Variants in RBPMS observed in about 807,000 individuals in gnomAD.
RBPMS encodes RNA binding protein, mRNA processing factor.
Under a neutral mutation model 26.8 loss-of-function variants are expected in RBPMS, and 7 were observed. The observed-to-expected ratio is 0.26, with a 90% CI of 0.15 to 0.49. The LOEUF (loss-of-function observed/expected upper bound fraction) is 0.49. Among genes scored for constraint, RBPMS ranks in the 20% least tolerant of loss-of-function variants. The probability of loss-of-function intolerance (pLI) is 0.98; values close to 1 mark genes in which losing one functional copy is unlikely to be tolerated. For synonymous variants in RBPMS, 96 were observed against 93.3 expected, an observed-to-expected ratio of 1.03 and a Z score of -0.17; for missense variants, 186 against 250.0, an observed-to-expected ratio of 0.74 and a Z score of 1.73.
chr8:30,556,673 C>T (rs1826951196), intron 6 of RBPMS: 3 of 985,872 alleles, frequency 3.0e-6, no homozygotes, highest in South Asian at 4.7e-5. Flanking sequence ...CAGCCCCCCA[C>T]CTGCCATGGG....
At position 30,571,099 on chromosome 8, in the gene RBPMS, T is replaced by C. The variant is rs1828234215; in HGVS notation, c.*574T>C. The stretch of plus-strand genomic sequence containing the variant: ...TGCCTGGCCGGAGTCCAGGGTAAAT[T>C]AGTAGCATGGTGTTAGATGTTAGAA... On this transcript the variant is annotated 3_prime_UTR_variant, in exon 9 of 9. Coordinates refer to ENST00000397323, the MANE Select transcript of RBPMS (RefSeq NM_001008710.3). The C allele has an allele frequency of 6.6e-6, 1 of 150,942 alleles. No individual in the cohort carries two copies. The highest frequency in any genetic ancestry group is 2.5e-5 in the African/African-American group (1 of 40,316). 9.4% of individuals were successfully genotyped at this position (150,942 alleles called of 1,614,324 possible).
chr8:30,499,104 G>A (rs1820288632), intron 4 of RBPMS, among the ~76,000 whole-genome samples: 1 of 152,132 alleles, frequency 6.6e-6, no homozygotes, highest in South Asian at 2.1e-4. Context: ...TTTCCATGGA[G>A]TAGAAAGCTG....
intron 1 of RBPMS, 45 bp downstream of exon 1, chr8:30,385,203 G>T (rs1008631493): frequency 1.5e-6 from 2 of 1,370,254 alleles, no homozygotes; most frequent in African/African-American, 3.1e-5. Context: ...GCGGGACCCA[G>T]TGCGGGCGGC....
intron 1 of RBPMS, among the ~76,000 whole-genome samples, chr8:30,411,819 C>CT: frequency 6.6e-6 from 1 of 152,078 alleles, no homozygotes; most frequent in South Asian, 2.1e-4. Context: ...CCTGTCTCTA[C>CT]TTTAAAAAAA....
chr8:30,442,381 A>G (rs1813189507), intron 1 of RBPMS, among the ~76,000 whole-genome samples: 1 of 151,534 alleles, frequency 6.6e-6, no homozygotes, highest in Non-Finnish European at 1.5e-5. Flanking sequence ...GTTTTGTTGC[A>G]CTCTAGGATC....
chr8:30,442,996 A>G (rs1167754173), intron 1 of RBPMS, among the ~76,000 whole-genome samples: 2 of 152,148 alleles, frequency 1.3e-5, no homozygotes, highest in Non-Finnish European at 2.9e-5. Context: ...CTTTGAAATT[A>G]ATAATAATTC....
chr8:30,386,401 A>G (rs1807089115), intron 1 of RBPMS, among the ~76,000 whole-genome samples: 1 of 152,252 alleles, frequency 6.6e-6, no homozygotes, highest in African/African-American at 2.4e-5. Flanking sequence ...CAAAATAAAT[A>G]GGAGATTTTA....
chr8:30,511,256 G>A (rs958369349), intron 5 of RBPMS, among the ~76,000 whole-genome samples: 1 of 152,012 alleles, frequency 6.6e-6, no homozygotes, highest in African/African-American at 2.4e-5. Context: ...AGAGGTTGCA[G>A]TGAGCTGAGA....
intron 5 of RBPMS, among the ~76,000 whole-genome samples, chr8:30,523,902 T>G (rs1261151572): frequency 6.6e-6 from 1 of 152,178 alleles, no homozygotes; most frequent in Non-Finnish European, 1.5e-5. Flanking sequence ...ATGGAAAATT[T>G]CAAACATATC....
chr8:30,417,081 T>G (rs1318602159), intron 1 of RBPMS, among the ~76,000 whole-genome samples: 1 of 152,194 alleles, frequency 6.6e-6, no homozygotes, highest in Non-Finnish European at 1.5e-5. Context: ...TTGTTTTGTT[T>G]TTTGTTGGGG....
chr8:30,459,347 G>A (rs1222997920), intron 1 of RBPMS, among the ~76,000 whole-genome samples: 2 of 151,244 alleles, frequency 1.3e-5, no homozygotes, highest in Admixed American at 1.3e-4. Flanking sequence ...CCTTGAACTC[G>A]TGTGCTCAAG....
At chr8:30,478,953 T>G (rs1817991803) in intron 3 of RBPMS, among the ~76,000 whole-genome samples, 1 of 152,220 alleles carries the variant, frequency 6.6e-6, no homozygotes, top group South Asian at 2.1e-4. Context: ...TCTTTCCATT[T>G]TAAAAGATGA....
At chr8:30,411,998 AAAAC>A (rs1468306852) in intron 1 of RBPMS, among the ~76,000 whole-genome samples, 1 of 141,628 alleles carries the variant, frequency 7.1e-6, no homozygotes, top group Non-Finnish European at 1.6e-5. Flanking sequence ...AAAAAAAAAA[AAAAC>A]AAAAACAAAA....
intron 1 of RBPMS, among the ~76,000 whole-genome samples, chr8:30,420,022 C>T (rs975004608): frequency 4.0e-5 from 6 of 151,860 alleles, no homozygotes; most frequent in Non-Finnish European, 8.8e-5. Flanking sequence ...CCCAGGAGCT[C>T]GAGACCAGCC....
chr8:30,554,449 C>A (rs1585866806), intron 6 of RBPMS, among the ~76,000 whole-genome samples: 1 of 152,156 alleles, frequency 6.6e-6, no homozygotes, highest in African/African-American at 2.4e-5. Context: ...TTTGGAACTT[C>A]TTGGAGCCAT....
intron 6 of RBPMS, 159 bp from the exon 7 acceptor site, chr8:30,558,728 C>T: frequency 1.4e-6 from 1 of 708,082 alleles, no homozygotes. Flanking sequence ...GGACACCGCT[C>T]TGATGCTTTT....
intron 5 of RBPMS, among the ~76,000 whole-genome samples, chr8:30,509,348 A>T (rs980159373): frequency 6.6e-6 from 1 of 152,170 alleles, no homozygotes; most frequent in East Asian, 1.9e-4. Context: ...TTTGGTGACT[A>T]ATCAGATTAC....
At chr8:30,466,138 A>G (rs1360586139) in intron 1 of RBPMS, among the ~76,000 whole-genome samples, 1 of 152,224 alleles carries the variant, frequency 6.6e-6, no homozygotes, top group Non-Finnish European at 1.5e-5. Context: ...GTGTCAGCCA[A>G]TAACTGTCAC....
intron 1 of RBPMS, among the ~76,000 whole-genome samples, chr8:30,433,072 C>T (rs1812106297): frequency 6.6e-6 from 1 of 152,136 alleles, no homozygotes; most frequent in Non-Finnish European, 1.5e-5. Context: ...ATAAACTGTC[C>T]TACAGTGATT....
Sources: gnomAD v4.1 joint callset for allele counts (sites outside exome capture counted in the v4.1 genomes callset) on GRCh38, gnomAD v4.1.1 for gene constraint, MANE v1.5 for transcripts, NCBI Gene and HGNC (gene_info 2026-07-23, HGNC 2026-07-21) for gene names.